Variants in AFTPH observed in about 807,000 individuals in gnomAD.
AFTPH encodes aftiphilin protein.
AFTPH carries 7 observed loss-of-function variants against 72.5 expected under a neutral mutation model. The ratio of observed to expected loss-of-function variants is 0.10; its 90% CI spans 0.05 to 0.18. The LOEUF is 0.18. Among genes scored for constraint, AFTPH ranks in the 10% least tolerant of loss-of-function variants. AFTPH has a pLI of 1.00. For missense variants in AFTPH, 979 were observed against 1,060.5 expected, an observed-to-expected ratio of 0.92 and a Z score of 1.07; for synonymous variants, 337 against 370.1, an observed-to-expected ratio of 0.91 and a Z score of 1.03.
At chr2:64,557,567 C>G (rs1671456740) in intron 2 of AFTPH, among the ~76,000 whole-genome samples, 1 of 152,184 alleles carries the variant, frequency 6.6e-6, no homozygotes, top group African/African-American at 2.4e-5. Context: ...GCAGCCTATG[C>G]CTCCTGAGTT....
chr2:64,578,873 G>A (rs1387143038), intron 6 of AFTPH: 1 of 152,178 alleles, frequency 6.6e-6, no homozygotes, highest in Non-Finnish European at 1.5e-5. Flanking sequence ...TCCCTTGAGT[G>A]TATTGTTTTT....
At chr2:64,555,840 C>T (rs992946757) in intron 2 of AFTPH, among the ~76,000 whole-genome samples, 6 of 152,246 alleles carry the variant, frequency 3.9e-5, no homozygotes, top group East Asian at 1.9e-4. Flanking sequence ...AAGAGAATTG[C>T]GGCTGGCACT....
At chr2:64,561,926 T>A (rs560684980) in intron 2 of AFTPH, among the ~76,000 whole-genome samples, 1 of 152,326 alleles carries the variant, frequency 6.6e-6, no homozygotes, top group Non-Finnish European at 1.5e-5. Context: ...GGTAAATCCC[T>A]TATCTAATTA....
At chr2:64,567,871 T>C (rs1341334484) in intron 3 of AFTPH, among the ~76,000 whole-genome samples, 158 bp downstream of exon 3, 2 of 150,164 alleles carry the variant, frequency 1.3e-5, no homozygotes, top group Non-Finnish European at 3.0e-5. Context: ...TGAAACCCTG[T>C]CTCTACTAAA....
At chr2:64,566,022 C>A (rs140000117) in intron 2 of AFTPH, among the ~76,000 whole-genome samples, 3 of 152,128 alleles carry the variant, frequency 2.0e-5, no homozygotes, top group African/African-American at 7.2e-5. Context: ...AAAGAGGATA[C>A]AAGAAAGATT....
Position 64,586,201 on chromosome 2 carries a change from C to G in AFTPH, c.2579+656C>G, listed in dbSNP as rs79099304. Among the ~76,000 whole-genome samples, 553 of 152,300 alleles carry G rather than the reference C, an allele frequency of 3.6e-3. 4 individuals carry two copies. The highest frequency in any genetic ancestry group is 4.6e-3 in the Non-Finnish European group (315 of 68,024). On this transcript the variant is annotated intron_variant, in intron 8 of 8. Transcript: ENST00000238856. Reference sequence around the variant, plus strand: ...CTTTGAGTTATTGTTAACCATAAGACTAAGCCAGTTTCTAACAGGAAGATA... The same window carrying G: ...CTTTGAGTTATTGTTAACCATAAGAGTAAGCCAGTTTCTAACAGGAAGATA...
rs1572921924 is a variant in AFTPH at position 64,524,446 on chromosome 2, T to G, written c.-199T>G. On this transcript the variant is annotated 5_prime_UTR_variant, in exon 1 of 9. An upstream open reading frame in the 5' UTR loses its in-frame stop. Transcript: ENST00000238856. ...TGGGATGGGGGTCCCGCGGCAGCGGTGAAACTCCGGGTGGGCGTCCATGGT... is the reference window on the plus strand; with the variant it reads ...TGGGATGGGGGTCCCGCGGCAGCGGGGAAACTCCGGGTGGGCGTCCATGGT... 2.5e-6 allele frequency: 1 copy of G among 402,256 alleles called. No individual in the cohort carries two copies. Among genetic ancestry groups the G allele is most frequent in the Non-Finnish European group, 4.4e-6 (1 of 228,016 alleles). 24.9% of individuals were successfully genotyped at this position (402,256 alleles called of 1,614,324 possible).
At chr2:64,576,615 G>A (rs1672819457) in intron 6 of AFTPH, among the ~76,000 whole-genome samples, 1 of 152,122 alleles carries the variant, frequency 6.6e-6, no homozygotes. Context: ...TTTATTCATT[G>A]CTGAGTAGGG....
chr2:64,549,830 A>G (rs1010611148), intron 1 of AFTPH, among the ~76,000 whole-genome samples: 1 of 152,232 alleles, frequency 6.6e-6, no homozygotes, highest in Non-Finnish European at 1.5e-5. Flanking sequence ...ACACCAAAAT[A>G]AGTTCTAGAT....
At chr2:64,572,349 A>G (rs1012445264) in intron 5 of AFTPH, among the ~76,000 whole-genome samples, 2 of 152,210 alleles carry the variant, frequency 1.3e-5, no homozygotes, top group African/African-American at 4.8e-5. Context: ...CAGTGCTGTC[A>G]TAGAGATCAG....
At chr2:64,566,627 G>A (rs1046934418) in intron 2 of AFTPH, among the ~76,000 whole-genome samples, 1 of 152,086 alleles carries the variant, frequency 6.6e-6, no homozygotes, top group South Asian at 2.1e-4. Context: ...GGTAAATTGG[G>A]CTAAGTTGGA....
chr2:64,524,423 G>A (rs1243093335), exon 1 of AFTPH: 1 of 404,566 alleles, frequency 2.5e-6, no homozygotes, highest in East Asian at 3.5e-5. Flanking sequence ...GAGGGTAGTG[G>A]GATGGGGGTC....
chr2:64,577,022 G>A (rs149005689), intron 6 of AFTPH, among the ~76,000 whole-genome samples: 2 of 152,158 alleles, frequency 1.3e-5, no homozygotes, highest in Non-Finnish European at 2.9e-5. Flanking sequence ...GCCTCCCAAA[G>A]TGTTGGGATT....
chr2:64,564,634 A>AAG (rs1671942476), intron 2 of AFTPH, among the ~76,000 whole-genome samples: 1 of 145,612 alleles, frequency 6.9e-6, no homozygotes, highest in Non-Finnish European at 1.5e-5. Flanking sequence ...AAAATAAAAA[A>AAG]TAAAATAAAT....
intron 2 of AFTPH, among the ~76,000 whole-genome samples, chr2:64,563,401 A>C (rs1306390929): frequency 6.6e-6 from 1 of 152,206 alleles, no homozygotes; most frequent in Non-Finnish European, 1.5e-5. Flanking sequence ...CCAAGTGCTC[A>C]AATTTTATGT....
chr2:64,583,404 T>TG (rs200590967), intron 7 of AFTPH, among the ~76,000 whole-genome samples: 102 of 149,902 alleles, frequency 6.8e-4, no homozygotes, highest in Middle Eastern at 3.4e-3. Flanking sequence ...ATCATAGTTT[T>TG]GGGGGGGGTT....
intron 3 of AFTPH, among the ~76,000 whole-genome samples, chr2:64,567,969 C>G (rs996134375): frequency 1.3e-5 from 2 of 151,694 alleles, no homozygotes; most frequent in Admixed American, 6.6e-5. Context: ...TCGCTGGAAC[C>G]CAGAAGACGG....
intron 8 of AFTPH, among the ~76,000 whole-genome samples, chr2:64,588,650 G>T (rs1445018302): frequency 6.6e-6 from 1 of 152,154 alleles, no homozygotes; most frequent in African/African-American, 2.4e-5. Context: ...ATTTTTGTTT[G>T]CATTTCCCTG....
exon 2 of AFTPH, chr2:64,551,730 A>C: frequency 6.2e-7 from 1 of 1,613,770 alleles, no homozygotes; most frequent in East Asian, 2.2e-5. Context: ...GTCCATTAAA[A>C]ATGGTAATGA....
Sources: allele counts gnomAD v4.1 joint callset (sites outside exome capture counted in the v4.1 genomes callset), GRCh38; gene constraint gnomAD v4.1.1; transcripts MANE v1.5; gene names NCBI Gene and HGNC (gene_info 2026-07-23, HGNC 2026-07-21).